The following RBFOX1 variants were observed in gnomAD, a reference collection of about 807,000 sequenced individuals.
RBFOX1 encodes the protein RNA binding protein fox-1 homolog 1.
In RBFOX1, 8 loss-of-function variants were observed where a neutral mutation model predicts 57.7. That is an observed-to-expected ratio of 0.14 (90% CI 0.08 to 0.25). The LOEUF (loss-of-function observed/expected upper bound fraction) is 0.25. Among genes scored for constraint, RBFOX1 ranks in the 10% least tolerant of loss-of-function variants. The pLI, the probability that RBFOX1 is intolerant of heterozygous loss-of-function variation, is 1.00. For missense variants in RBFOX1, 611 were observed against 548.5 expected (o/e 1.11, Z -1.14); for synonymous variants, 326 against 222.4 (o/e 1.47, Z -4.15).
chr16:5,422,909 AGAG>A (rs1244205354), intron 1 of RBFOX1, among the ~76,000 whole-genome samples: 20 of 104,054 alleles, frequency 1.9e-4, no homozygotes, highest in African/African-American at 3.3e-4. Context: ...AGGGGAGGAA[AGAG>A]GAGGAGGGAG....
chr16:6,880,461 T>C (rs2062711131), intron 3 of RBFOX1, among the ~76,000 whole-genome samples: 3 of 152,166 alleles, frequency 2.0e-5, no homozygotes, highest in Admixed American at 2.0e-4. Context: ...CCTGTGTTGG[T>C]CATTGGTCCA....
intron 3 of RBFOX1, among the ~76,000 whole-genome samples, chr16:5,658,362 G>A (rs373214305): frequency 6.6e-6 from 1 of 152,152 alleles, no homozygotes; most frequent in African/African-American, 2.4e-5. Context: ...AGGGGACCCA[G>A]GCTGTCCTTC....
chr16:6,593,936 A>G (rs1277883140), intron 2 of RBFOX1, among the ~76,000 whole-genome samples: 1 of 152,116 alleles, frequency 6.6e-6, no homozygotes, highest in Non-Finnish European at 1.5e-5. Flanking sequence ...CTCCACCCCA[A>G]TGCTTTTGTT....
intron 1 of RBFOX1, among the ~76,000 whole-genome samples, chr16:5,400,303 G>A (rs1273953156): frequency 2.0e-5 from 3 of 151,638 alleles, no homozygotes; most frequent in East Asian, 3.9e-4. Flanking sequence ...ATGTTGGTCA[G>A]GCTGGTCTGC....
intron 2 of RBFOX1, among the ~76,000 whole-genome samples, chr16:6,568,602 C>T (rs1208469181): frequency 6.6e-6 from 1 of 152,076 alleles, no homozygotes; most frequent in Non-Finnish European, 1.5e-5. Context: ...TGGGGATTAT[C>T]TCAGGGCCAT....
At chr16:6,360,277 C>T (rs1303139936) in intron 2 of RBFOX1, among the ~76,000 whole-genome samples, 1 of 151,680 alleles carries the variant, frequency 6.6e-6, no homozygotes, top group African/African-American at 2.4e-5. Flanking sequence ...GCCTGGAGAC[C>T]TGTCCATGAA....
chr16:6,412,704 A>G (rs1480208534), intron 2 of RBFOX1, among the ~76,000 whole-genome samples: 3 of 152,110 alleles, frequency 2.0e-5, no homozygotes, highest in Non-Finnish European at 4.4e-5. Context: ...CACAAATGAC[A>G]CTCCCAGTTT....
At chr16:7,226,995 G>T (rs1283766319) in intron 4 of RBFOX1, among the ~76,000 whole-genome samples, 1 of 152,068 alleles carries the variant, frequency 6.6e-6, no homozygotes, top group Non-Finnish European at 1.5e-5. Context: ...ATCTCTCCAG[G>T]ATAAAAAATG....
chr16:5,935,383 C>A (rs1354433691), intron 4 of RBFOX1, among the ~76,000 whole-genome samples: 1 of 152,098 alleles, frequency 6.6e-6, no homozygotes, highest in East Asian at 1.9e-4. Context: ...TGGCCAGGAG[C>A]CTGTATTGTG....
intron 2 of RBFOX1, among the ~76,000 whole-genome samples, chr16:6,624,558 A>T (rs1197998358): frequency 6.6e-6 from 1 of 152,126 alleles, no homozygotes; most frequent in Admixed American, 6.5e-5. Flanking sequence ...CTTGGCAGTG[A>T]GGACGTCTTT....
At chr16:7,384,392 C>T (rs189371376) in intron 4 of RBFOX1, among the ~76,000 whole-genome samples, 13 of 152,128 alleles carry the variant, frequency 8.5e-5, no homozygotes, top group Admixed American at 6.6e-4. Flanking sequence ...ATATTTATAC[C>T]ATTACAAAAA....
intron 4 of RBFOX1, among the ~76,000 whole-genome samples, chr16:7,096,161 A>G (rs2061661670): frequency 6.6e-6 from 1 of 152,224 alleles, no homozygotes; most frequent in African/African-American, 2.4e-5. Flanking sequence ...AAGGAGACAG[A>G]TAAAACACAA....
intron 4 of RBFOX1, among the ~76,000 whole-genome samples, chr16:7,133,803 C>A (rs1485582022): frequency 1.3e-5 from 2 of 152,070 alleles, no homozygotes; most frequent in Non-Finnish European, 2.9e-5. Flanking sequence ...ATGACTGACA[C>A]AGCTTCTTTG....
intron 3 of RBFOX1, among the ~76,000 whole-genome samples, chr16:5,848,181 G>A (rs1017134670): frequency 2.0e-5 from 3 of 152,054 alleles, no homozygotes; most frequent in Non-Finnish European, 4.4e-5. Context: ...AGTTTGTTTT[G>A]TCCAGCCTGA....
chr16:5,916,555 C>G lies in RBFOX1; in HGVS notation c.351+49220C>G, dbSNP rs187895612. On this transcript the variant is annotated intron_variant, in intron 4 of 19. Coordinates refer to the RBFOX1 transcript ENST00000641259. ...GTGCCCAGCCCTTCCTCTCATTTTC[C>G]CTTTATAATTAGGAGGTGCTGGGTC... 3.0e-4 allele frequency among the ~76,000 whole-genome samples: 45 copies of G among 152,194 alleles called. No individual in the cohort carries two copies. The East Asian group carries it at 8.5e-3, about 29-fold the overall frequency.
At chr16:6,284,951 C>G (rs78779323) in intron 1 of RBFOX1, among the ~76,000 whole-genome samples, 2,104 of 152,138 alleles carry the variant, frequency 0.014, 36 homozygotes, top group East Asian at 0.044. Flanking sequence ...ATCCTCTTGC[C>G]TGACACAGAA....
At chr16:5,283,150 C>T (rs1166897795) in intron 1 of RBFOX1, among the ~76,000 whole-genome samples, 4 of 152,128 alleles carry the variant, frequency 2.6e-5, no homozygotes, top group Non-Finnish European at 2.9e-5. Context: ...CCTGTGGGTA[C>T]AAAGAAGTCA....
At chr16:7,145,346 A>C (rs1460159212) in intron 4 of RBFOX1, among the ~76,000 whole-genome samples, 1 of 152,140 alleles carries the variant, frequency 6.6e-6, no homozygotes, top group African/African-American at 2.4e-5. Context: ...CTGGGATTGC[A>C]GGCATGCACC....
chr16:6,775,323 C>G (rs2079131786), intron 3 of RBFOX1, among the ~76,000 whole-genome samples: 1 of 111,088 alleles, frequency 9.0e-6, no homozygotes, highest in African/African-American at 3.7e-5. Flanking sequence ...CAGCGAGACT[C>G]TGTCTCAAAA....
Sources: gnomAD v4.1 joint callset for allele counts (sites outside exome capture counted in the v4.1 genomes callset) on GRCh38, gnomAD v4.1.1 for gene constraint, MANE v1.5 for transcripts, NCBI Gene and HGNC (gene_info 2026-07-23, HGNC 2026-07-21) for gene names.